ZC3H13: variants seen among roughly 807,000 people sequenced by gnomAD.
The protein encoded by ZC3H13 is zinc finger CCCH-type containing 13, also known as zinc finger CCCH domain-containing protein 13.
A neutral mutation model predicts 204.1 loss-of-function variants in ZC3H13; 64 were observed. The ratio of observed to expected loss-of-function variants is 0.31; its 90% CI spans 0.26 to 0.39. The LOEUF (loss-of-function observed/expected upper bound fraction) is 0.39, where lower values mean the gene tolerates loss of function less well. Among genes scored for constraint, ZC3H13 ranks in the 10% least tolerant of loss-of-function variants. The pLI is 1.00. For synonymous variants in ZC3H13, 667 were observed against 693.7 expected, an observed-to-expected ratio of 0.96 and a Z score of 0.60; for missense variants, 1,833 against 2,082.7, an observed-to-expected ratio of 0.88 and a Z score of 2.33.
chr13:46,005,016 CT>C (rs896291456), intron 7 of ZC3H13, among the ~76,000 whole-genome samples: 6 of 152,082 alleles, frequency 3.9e-5, no homozygotes, highest in African/African-American at 1.4e-4. Flanking sequence ...TGTCAAAATC[CT>C]TTTACCTCAG....
intron 5 of ZC3H13, among the ~76,000 whole-genome samples, chr13:46,016,856 C>G (rs1379321676): frequency 6.6e-6 from 1 of 151,948 alleles, no homozygotes; most frequent in African/African-American, 2.4e-5. Flanking sequence ...TATTTATAGG[C>G]AATAAATAAA....
chr13:46,016,164 A>ATC (rs1258821727), intron 5 of ZC3H13, among the ~76,000 whole-genome samples: 1 of 152,170 alleles, frequency 6.6e-6, no homozygotes, highest in Non-Finnish European at 1.5e-5. Flanking sequence ...ATCTGAAATT[A>ATC]TCTACTAAAG....
chr13:45,989,906 T>C (rs1035920096), intron 8 of ZC3H13, among the ~76,000 whole-genome samples: 21 of 152,340 alleles, frequency 1.4e-4, no homozygotes, highest in African/African-American at 4.8e-4. Context: ...TATAATATTC[T>C]AGACATGCCC....
chr13:45,963,265 C>A (rs1951822324), intron 17 of ZC3H13: 2 of 985,842 alleles, frequency 2.0e-6, no homozygotes, highest in Non-Finnish European at 2.4e-6. Context: ...AAAGACTCAA[C>A]CTACACACCT....
intron 1 of ZC3H13, among the ~76,000 whole-genome samples, chr13:46,048,229 C>G (rs1260335123): frequency 6.6e-6 from 1 of 152,216 alleles, no homozygotes; most frequent in Non-Finnish European, 1.5e-5. Flanking sequence ...CTCCCTTGAC[C>G]TATTGCTTTG....
At chr13:46,020,382 G>T in intron 5 of ZC3H13, 67 bp downstream of exon 5, 1 of 1,170,392 alleles carries the variant, frequency 8.5e-7, no homozygotes, top group Non-Finnish European at 1.3e-6. Context: ...GTGTTCTGAA[G>T]CCCACGAAAA....
chr13:45,974,768 G>T (rs1380362398), intron 12 of ZC3H13, among the ~76,000 whole-genome samples: 1 of 152,112 alleles, frequency 6.6e-6, no homozygotes, highest in African/African-American at 2.4e-5. Flanking sequence ...ATATCCCTTG[G>T]TGACTAGTCT....
At position 45,979,907 on chromosome 13, in the gene ZC3H13, A is replaced by C; in HGVS notation, c.1818T>G (p.Asp606Glu). The change falls in exon 11 of 19, where the codon GAT becomes GAG. Residue 606 changes from aspartate (D) to glutamate (E), a missense_variant. Around this residue, in one of 5 missense-constraint regions of ZC3H13, gnomAD observed 1,574 missense variants for 1,757.2 expected, o/e 0.90. Coordinates refer to ENST00000679008, the MANE Select transcript of ZC3H13 (RefSeq NM_001330564.2). ...CTCTGTTGTCTCTTTCAGGATATCT[A>C]TCTCTTTCAGGATAGCTACTTCGAG... Reference protein sequence around the residue: ...WETRSSYPERDRYPERDNRDQ... With the variant: ...WETRSSYPERERYPERDNRDQ... 6.2e-7 allele frequency: 1 copy of C among 1,612,624 alleles called. No homozygotes were observed. The highest frequency in any genetic ancestry group is 1.1e-5 in the South Asian group (1 of 91,000).
At chr13:45,975,160 C>T in intron 12 of ZC3H13, 123 bp downstream of exon 12, 1 of 1,430,794 alleles carries the variant, frequency 7.0e-7, no homozygotes, top group Non-Finnish European at 9.3e-7. Context: ...ATTTGAAAAA[C>T]AGGAAAATAT....
chr13:46,002,989 T>C, intron 8 of ZC3H13, 150 bp downstream of exon 8: 1 of 634,288 alleles, frequency 1.6e-6, no homozygotes, highest in Non-Finnish European at 2.5e-6. Flanking sequence ...CTCATAATAA[T>C]AATTATTATG....
Position 46,038,092 on chromosome 13 carries a change from G to C in ZC3H13, c.339+4072C>G, listed in dbSNP as rs77533670. Among the ~76,000 whole-genome samples, 60 of 152,284 alleles carry C rather than the reference G, an allele frequency of 3.9e-4. No individual in the cohort carries two copies. The East Asian group carries it at 0.011, about 29-fold the overall frequency. ...TGGTGAGCAAGACAGATCTCAGCAT[G>C]TCTCTTTTCTCTATTGCTAAACTGT... On this transcript the variant is annotated intron_variant, in intron 4 of 18. Transcript: ENST00000679008.
chr13:46,022,022 G>A (rs1468621870), intron 4 of ZC3H13, among the ~76,000 whole-genome samples: 5 of 151,756 alleles, frequency 3.3e-5, no homozygotes, highest in African/African-American at 4.8e-5. Context: ...AGTTAAAAAG[G>A]GTGTCAGAGC....
At chr13:46,013,912 G>GTT (rs1401289016) in intron 5 of ZC3H13, among the ~76,000 whole-genome samples, 6 of 150,678 alleles carry the variant, frequency 4.0e-5, no homozygotes, top group Non-Finnish European at 8.9e-5. Flanking sequence ...TAACAGAACA[G>GTT]GTAAAGGACA....
chr13:46,035,417 A>G (rs2043152014), intron 4 of ZC3H13, among the ~76,000 whole-genome samples: 1 of 152,222 alleles, frequency 6.6e-6, no homozygotes, highest in Admixed American at 6.5e-5. Context: ...TAATGCTATC[A>G]AAGAATACAT....
intron 2 of ZC3H13, 140 bp from the exon 3 acceptor site, chr13:46,045,204 G>T: frequency 2.1e-6 from 2 of 960,800 alleles, no homozygotes; most frequent in Non-Finnish European, 3.1e-6. Context: ...AAAACTTCAG[G>T]AAAAAAATAT....
chr13:45,965,168 A>G, intron 16 of ZC3H13, 112 bp downstream of exon 16: 1 of 1,347,754 alleles, frequency 7.4e-7, no homozygotes, highest in Admixed American at 2.7e-5. Flanking sequence ...GTAAAATGTA[A>G]AAGGAAAAAT....
intron 8 of ZC3H13, among the ~76,000 whole-genome samples, chr13:45,996,222 G>A (rs2040325855): frequency 6.6e-6 from 1 of 152,150 alleles, no homozygotes; most frequent in African/African-American, 2.4e-5. Flanking sequence ...ATAAAAGCAA[G>A]TATTACATCT....
rs762938792 is a variant in ZC3H13 at position 46,042,283 on chromosome 13, C to G, written c.228-8G>C. 5.4e-5 allele frequency: 86 copies of G among 1,598,296 alleles called. No individual in the cohort carries two copies. The highest frequency in any genetic ancestry group is 7.3e-5 in the Non-Finnish European group (85 of 1,170,304). On this transcript the variant is annotated splice_region_variant and splice_polypyrimidine_tract_variant and intron_variant, in intron 3 of 18. Transcript: ENST00000679008. ...GTAGGTCTTTCTGGTGACCTTTGAA[C>G]CAAAACACAGAAACAAAACAAAAAA... is the stretch of plus-strand genomic sequence containing the variant.
At chr13:45,995,440 G>A (rs2040262223) in intron 8 of ZC3H13, among the ~76,000 whole-genome samples, 1 of 152,150 alleles carries the variant, frequency 6.6e-6, no homozygotes, top group Non-Finnish European at 1.5e-5. Context: ...TATCCCTTGT[G>A]AATGAGTTGT....
Sources: allele counts gnomAD v4.1 joint callset (sites outside exome capture counted in the v4.1 genomes callset), GRCh38; gene constraint gnomAD v4.1.1; regional missense constraint gnomAD v4.1.1; transcripts MANE v1.5; gene names NCBI Gene and HGNC (gene_info 2026-07-23, HGNC 2026-07-21).